Variants in RASA3 observed in about 807,000 individuals in gnomAD.
RASA3 encodes ras GTPase-activating protein 3.
In RASA3, 73 loss-of-function variants were observed where a neutral mutation model predicts 110.0. The ratio of observed to expected loss-of-function variants is 0.66; its 90% CI spans 0.55 to 0.81. RASA3 has a LOEUF of 0.81. RASA3 is among the 30% of genes least tolerant of loss of function. RASA3 has a pLI of 0.00. For synonymous variants in RASA3, 500 were observed against 451.4 expected (o/e 1.11, Z -1.37); for missense variants, 976 against 1,113.2 (o/e 0.88, Z 1.75).
chr13:114,106,646 T>C (rs1201994260), intron 1 of RASA3, among the ~76,000 whole-genome samples: 5 of 152,194 alleles, frequency 3.3e-5, no homozygotes, highest in African/African-American at 1.2e-4. Context: ...CTCCGGAGCA[T>C]AAGCCCCTGG....
intron 7 of RASA3, 97 bp from the exon 8 acceptor site, chr13:114,024,452 AC>A: frequency 1.9e-6 from 2 of 1,048,444 alleles, no homozygotes; most frequent in Non-Finnish European, 2.9e-6. Flanking sequence ...CTCTGCGCTT[AC>A]CCACACACCA....
At chr13:114,016,580 G>A (rs796628946) in intron 12 of RASA3, among the ~76,000 whole-genome samples, 24 of 152,342 alleles carry the variant, frequency 1.6e-4, no homozygotes, top group African/African-American at 4.8e-4. Context: ...CCATGGCCGC[G>A]ATCAGACGAG....
intron 23 of RASA3, among the ~76,000 whole-genome samples, chr13:113,981,368 G>A (rs968624419): frequency 2.6e-5 from 4 of 152,224 alleles, no homozygotes; most frequent in Non-Finnish European, 1.5e-5. Context: ...TGGGCCTAGA[G>A]ACTGCCAGAG....
At chr13:113,995,778 C>G (rs893851395) in intron 21 of RASA3, among the ~76,000 whole-genome samples, 5 of 24,570 alleles carry the variant, frequency 2.0e-4, no homozygotes, top group East Asian at 1.1e-3. Flanking sequence ...TGACGGGGGG[C>G]CCGGCTGACG....
chr13:114,038,162 A>T (rs1283458472), intron 4 of RASA3, among the ~76,000 whole-genome samples: 2 of 151,998 alleles, frequency 1.3e-5, no homozygotes, highest in African/African-American at 4.8e-5. Context: ...ACGAGGCCGC[A>T]CTCTGCCAGC....
In RASA3 at chr13:113,990,718, CAT is replaced by C. The variant is rs141880691; in HGVS notation, c.2245+1765_2245+1766del. 2.2e-3 allele frequency among the ~76,000 whole-genome samples: 342 copies of C among 152,302 alleles called. 1 individual carries two copies. The highest frequency in any genetic ancestry group is 3.5e-3 in the Non-Finnish European group (238 of 68,016). On this transcript the variant is annotated intron_variant, in intron 22 of 23. Transcript: ENST00000334062. ...GTGTGTACATGTGTGGTTGTCTGCA[CAT>C]GTGTGTGCATGCCTGCACATGGGCC... is the stretch of plus-strand genomic sequence containing the variant.
At chr13:114,050,732 A>C (rs2079131362) in intron 3 of RASA3, among the ~76,000 whole-genome samples, 2 of 152,224 alleles carry the variant, frequency 1.3e-5, no homozygotes, top group Non-Finnish European at 2.9e-5. Flanking sequence ...GTTACCTACT[A>C]GCCCGTTTCT....
intron 17 of RASA3, 31 bp downstream of exon 17, chr13:114,009,356 A>C (rs2053582357): frequency 3.2e-6 from 5 of 1,552,760 alleles, no homozygotes; most frequent in Non-Finnish European, 4.4e-6. Context: ...AGCACGGCAC[A>C]CGGGCGGTCG....
At chr13:113,998,229 C>G (rs1449140792) in intron 20 of RASA3, among the ~76,000 whole-genome samples, 2 of 152,184 alleles carry the variant, frequency 1.3e-5, no homozygotes, top group African/African-American at 4.8e-5. Context: ...AGTCAGCAGG[C>G]ATTGAGCCCA....
chr13:114,117,425 G>T (rs1449768033), intron 1 of RASA3, among the ~76,000 whole-genome samples: 6 of 142,260 alleles, frequency 4.2e-5, no homozygotes, highest in Non-Finnish European at 9.2e-5. Flanking sequence ...TGCATGCAAT[G>T]CTCCTGTATG....
At chr13:114,118,004 C>T (rs1035255636) in intron 1 of RASA3, among the ~76,000 whole-genome samples, 2 of 148,480 alleles carry the variant, frequency 1.3e-5, no homozygotes, top group African/African-American at 5.2e-5. Flanking sequence ...GCCGTGTGCA[C>T]GTGTGCACAC....
intron 20 of RASA3, 97 bp downstream of exon 20, chr13:113,999,488 T>C (rs1026975053): frequency 1.1e-6 from 1 of 914,748 alleles, no homozygotes; most frequent in Non-Finnish European, 1.8e-6. Flanking sequence ...GTGCAGTGGG[T>C]GGGGAAGGGT....
intron 9 of RASA3, among the ~76,000 whole-genome samples, chr13:114,020,913 C>A (rs1363308030): frequency 6.6e-6 from 1 of 152,224 alleles, no homozygotes. Flanking sequence ...GCTCCTGCAC[C>A]GGCTGCTGAT....
chr13:114,037,292 C>T (rs1258361901), intron 4 of RASA3, among the ~76,000 whole-genome samples: 1 of 152,212 alleles, frequency 6.6e-6, no homozygotes, highest in East Asian at 1.9e-4. Context: ...CGGCAGGTGA[C>T]TGGAGCAACA....
intron 4 of RASA3, among the ~76,000 whole-genome samples, chr13:114,037,502 C>T (rs1377529952): frequency 2.0e-5 from 3 of 151,950 alleles, no homozygotes; most frequent in East Asian, 1.9e-4. Context: ...AAGGGGCGGA[C>T]GGGAGCGTGT....
At position 114,096,701 on chromosome 13, in the gene RASA3, C is replaced by G. The variant is rs1223361743; in HGVS notation, c.56-22864G>C. Among the ~76,000 whole-genome samples, 3 of 152,144 alleles carry G rather than the reference C, an allele frequency of 2.0e-5. No homozygotes were observed. Among genetic ancestry groups the G allele is most frequent in the African/African-American group, 7.2e-5 (3 of 41,432 alleles). On this transcript the variant is annotated intron_variant, in intron 1 of 23. Coordinates refer to ENST00000334062, the MANE Select transcript of RASA3 (RefSeq NM_007368.4). The surrounding 1 kb of genome is among the most constrained non-coding windows in gnomAD (Gnocchi z 5.1). Reference sequence around the variant, plus strand: ...CACTGACTAGCGTGCGGGTCTCCACCACAGTTATGACCACCCTTCCCTCCT... The same window carrying G: ...CACTGACTAGCGTGCGGGTCTCCACGACAGTTATGACCACCCTTCCCTCCT...
At chr13:114,009,172 G>T in intron 17 of RASA3, among the ~76,000 whole-genome samples, 1 of 152,230 alleles carries the variant, frequency 6.6e-6, no homozygotes, top group East Asian at 1.9e-4. Context: ...GGCCCCAAAG[G>T]CAGTCACGCC....
chr13:113,995,664 G>A (rs2053217947), intron 21 of RASA3, among the ~76,000 whole-genome samples: 1 of 144,108 alleles, frequency 6.9e-6, no homozygotes, highest in African/African-American at 2.6e-5. Flanking sequence ...CCCAGCTGAC[G>A]GAGGACCCAG....
chr13:114,056,347 C>A lies in RASA3; in HGVS notation c.174-4192G>T, dbSNP rs760403604. ...GAGGATGCCAGCGCTAAGCACACCC[C>A]ACAAACGGGCGCCGCGCACCTGGCA... is the stretch of plus-strand genomic sequence containing the variant. On this transcript the variant is annotated intron_variant, in intron 2 of 23. Coordinates refer to ENST00000334062, the MANE Select transcript of RASA3 (RefSeq NM_007368.4). This position sits in a 1 kb window ranked among gnomAD's most constrained non-coding sequence, Gnocchi z 5.7. 28 of 732,958 alleles carry A rather than the reference C, an allele frequency of 3.8e-5. No individual in the cohort carries two copies. The highest frequency in any genetic ancestry group is 3.3e-5 in the Non-Finnish European group (20 of 599,500). 45.4% of individuals were successfully genotyped at this position (732,958 alleles called of 1,614,324 possible).
Sources: gnomAD v4.1 joint callset for allele counts (sites outside exome capture counted in the v4.1 genomes callset) on GRCh38, gnomAD v4.1.1 for gene constraint, Gnocchi (gnomAD v3.1) non-coding constraint, MANE v1.5 for transcripts, NCBI Gene and HGNC (gene_info 2026-07-23, HGNC 2026-07-21) for gene names.